KCNQ1: variants seen among roughly 807,000 people sequenced by gnomAD.
KCNQ1 encodes the protein potassium voltage-gated channel subfamily KQT member 1.
In KCNQ1, 49 loss-of-function variants were observed where a neutral mutation model predicts 72.4. The ratio of observed to expected loss-of-function variants is 0.68; its 90% confidence interval spans 0.54 to 0.86. The LOEUF (loss-of-function observed/expected upper bound fraction) is 0.86, where lower values mean the gene tolerates loss of function less well. Among genes scored for constraint, KCNQ1 ranks in the 40% least tolerant of loss-of-function variants. KCNQ1 has a pLI of 0.00. For synonymous variants in KCNQ1, 450 were observed against 412.6 expected (o/e 1.09, Z -1.10); for missense variants, 790 against 945.1 (o/e 0.84, Z 2.15).
chr11:2,571,187 T>C, intron 3 of KCNQ1, 138 bp from the exon 4 acceptor site: 1 of 750,110 alleles, frequency 1.3e-6, no homozygotes, highest in South Asian at 1.4e-5. Flanking sequence ...ATCCGAGGTG[T>C]CTCCATGTCC....
At chr11:2,755,180 AT>A (rs34441414) in intron 11 of KCNQ1, among the ~76,000 whole-genome samples, 21,647 of 151,568 alleles carry the variant, frequency 0.14, 1,647 homozygotes, top group Middle Eastern at 0.17. Context: ...CCTCTCTGAC[AT>A]TTTTTTTCGT....
In KCNQ1 at chr11:2,746,618, G is replaced by A. The variant is rs962696925; in HGVS notation, c.1515-22226G>A. 1.8e-4 allele frequency among the ~76,000 whole-genome samples: 27 copies of A among 152,196 alleles called. No individual in the cohort carries two copies. Among genetic ancestry groups the A allele is most frequent in the African/African-American group, 5.8e-4 (24 of 41,450 alleles). On this transcript the variant is annotated intron_variant, in intron 11 of 15. Transcript: ENST00000155840. This position sits in a 1 kb window ranked among gnomAD's most constrained non-coding sequence, Gnocchi z 5.9. ...TGTCCTCACGATTCGACTGGGCTGT[G>A]GGTGTGAGGAGGGAGAGCACAGAGG...
intron 11 of KCNQ1, among the ~76,000 whole-genome samples, chr11:2,754,452 G>T (rs1846269723): frequency 6.6e-6 from 1 of 152,222 alleles, no homozygotes; most frequent in Non-Finnish European, 1.5e-5. Flanking sequence ...TCAAGGAAGG[G>T]CCCTGCCTTC....
At chr11:2,500,287 C>G (rs1846988622) in intron 1 of KCNQ1, among the ~76,000 whole-genome samples, 1 of 152,180 alleles carries the variant, frequency 6.6e-6, no homozygotes, top group Non-Finnish European at 1.5e-5. Flanking sequence ...CTCATCATCA[C>G]TGGTCATTAG....
chr11:2,707,996 G>A (rs1320589278), intron 11 of KCNQ1, among the ~76,000 whole-genome samples: 4 of 152,226 alleles, frequency 2.6e-5, no homozygotes, highest in African/African-American at 7.2e-5. Flanking sequence ...TGCACAGGTC[G>A]AGGAGGTGGT....
In KCNQ1 at chr11:2,626,287, A is replaced by G. The variant is rs1450071090; in HGVS notation, c.1394-35674A>G. On this transcript the variant is annotated intron_variant, in intron 10 of 15. Transcript: ENST00000155840. The surrounding 1 kb of genome is among the most constrained non-coding windows in gnomAD (Gnocchi z 4.0). ...TATACATGGTTAGGTAAGGATCTCA[A>G]CTTCATTCTCTTGAGTTAATTTTTG... is the stretch of plus-strand genomic sequence containing the variant. 1.3e-5 allele frequency: 5 copies of G among 398,312 alleles called. No individual in the cohort carries two copies. The highest frequency in any genetic ancestry group is 4.4e-5 in the Admixed American group (1 of 22,690). The allele number at this position is 398,312 out of a possible 1,614,324, so 24.7% of individuals were successfully genotyped here.
rs76888915 is a variant in KCNQ1, at chr11:2,657,254, A to G, written c.1394-4707A>G. 0.014 allele frequency: 5,757 copies of G among 398,588 alleles called. 254 individuals carry two copies. The highest frequency in any genetic ancestry group is 0.1 in the African/African-American group (5,021 of 48,712). 24.7% of individuals were successfully genotyped at this position (398,588 alleles called of 1,614,324 possible). On this transcript the variant is annotated intron_variant, in intron 10 of 15. Coordinates refer to ENST00000155840, the MANE Select transcript of KCNQ1 (RefSeq NM_000218.3). The surrounding 1 kb of genome is among the most constrained non-coding windows in gnomAD (Gnocchi z 4.8). ...AATCAGCTTGCCAAAGTTCTCACAC[A>G]GAAGCCTTGAGATTTTTATTAAGAT...
At chr11:2,587,170 CTG>C (rs1324730124) in intron 8 of KCNQ1, among the ~76,000 whole-genome samples, 1 of 152,226 alleles carries the variant, frequency 6.6e-6, no homozygotes, top group Non-Finnish European at 1.5e-5. Flanking sequence ...CCCTTCCTCA[CTG>C]TGTGGCCACT....
chr11:2,533,214 C>T (rs531552240), intron 2 of KCNQ1, among the ~76,000 whole-genome samples: 7 of 152,310 alleles, frequency 4.6e-5, no homozygotes, highest in South Asian at 2.1e-4. Flanking sequence ...GCTGTTATCT[C>T]AGCACTGCTA....
Position 2,671,311 on chromosome 11 carries a change from T to A in KCNQ1, c.1514+9230T>A. 1 of 398,558 alleles carries A rather than the reference T, an allele frequency of 2.5e-6. No homozygotes were observed. Among genetic ancestry groups the A allele is most frequent in the Non-Finnish European group, 4.4e-6 (1 of 226,058 alleles). The allele number at this position is 398,558 out of a possible 1,614,324, so 24.7% of individuals were successfully genotyped here. ...CTTCTCCATAAGTAATCTTTTCCCA[T>A]GTGTGGCTGCAGCCTCAGAGGCTCC... On this transcript the variant is annotated intron_variant, in intron 11 of 15. Coordinates refer to ENST00000155840, the MANE Select transcript of KCNQ1 (RefSeq NM_000218.3). The surrounding 1 kb of genome is among the most constrained non-coding windows in gnomAD (Gnocchi z 4.7).
intron 11 of KCNQ1, among the ~76,000 whole-genome samples, chr11:2,701,077 A>G (rs1295693760): frequency 6.6e-6 from 1 of 152,182 alleles, no homozygotes. Flanking sequence ...CACAGGAGGA[A>G]GGGGGAGGCT....
rs903925527 is a variant in KCNQ1 at position 2,768,366 on chromosome 11, T to A, written c.1515-478T>A. Among the ~76,000 whole-genome samples the A allele has an allele frequency of 2.0e-5, 3 of 152,310 alleles. No individual in the cohort carries two copies. Among genetic ancestry groups the A allele is most frequent in the Admixed American group, 1.3e-4 (2 of 15,298 alleles). ...CTGGTGGCAACTTTCCCTTGTTAATTTGTCCTGTAGCCCCTACTTTCCCAA... is the reference window on the plus strand; with the variant it reads ...CTGGTGGCAACTTTCCCTTGTTAATATGTCCTGTAGCCCCTACTTTCCCAA... On this transcript the variant is annotated intron_variant, in intron 11 of 15. Transcript: ENST00000155840. The surrounding 1 kb of genome is among the most constrained non-coding windows in gnomAD (Gnocchi z 6.7).
rs1846475153 is a variant in KCNQ1, at chr11:2,471,881, CACA to C, written c.386+26398_386+26400del. Among the ~76,000 whole-genome samples, 1 of 149,024 alleles carries C rather than the reference CACA, an allele frequency of 6.7e-6. No individual in the cohort carries two copies. Among genetic ancestry groups the C allele is most frequent in the Admixed American group, 6.7e-5 (1 of 15,010 alleles). ...GTGTGTTTATGTATGGGTGTGTGTG[CACA>C]TGTGTATAGGTGTGTGTATGCGTGC... On this transcript the variant is annotated intron_variant, in intron 1 of 15. Coordinates refer to ENST00000155840, the MANE Select transcript of KCNQ1 (RefSeq NM_000218.3). This position sits in a 1 kb window ranked among gnomAD's most constrained non-coding sequence, Gnocchi z 4.8.
chr11:2,847,686 CCCCAAACCTGGG>C, intron 15 of KCNQ1, 69 bp from the exon 16 acceptor site: 1 of 1,338,112 alleles, frequency 7.5e-7, no homozygotes, highest in Non-Finnish European at 1.0e-6. Context: ...CCTTCTCTGG[CCCCAAACCTGGG>C]CCCTGAGGCT....
intron 1 of KCNQ1, among the ~76,000 whole-genome samples, chr11:2,454,927 G>T (rs1846165732): frequency 6.6e-6 from 1 of 152,034 alleles, no homozygotes; most frequent in Non-Finnish European, 1.5e-5. Flanking sequence ...GAAAAATCAG[G>T]CAAGAGAAAG....
At chr11:2,656,073 G>A (rs752664355) in intron 10 of KCNQ1, 2 of 398,508 alleles carry the variant, frequency 5.0e-6, no homozygotes, top group Non-Finnish European at 8.8e-6. Flanking sequence ...CTTTGGAGAT[G>A]GGCACTTGTC....
In KCNQ1 at chr11:2,641,688, T is replaced by A. The variant is rs1589999492; in HGVS notation, c.1394-20273T>A. 2.0e-5 allele frequency: 8 copies of A among 398,444 alleles called. No individual in the cohort carries two copies. In the East Asian group the frequency reaches 2.9e-4, roughly 14 times the overall value. 24.7% of individuals were successfully genotyped at this position (398,444 alleles called of 1,614,324 possible). A position where few individuals can be genotyped will look rare whatever the true frequency, so the allele number is the denominator to read the frequency against. Reference sequence around the variant, plus strand: ...TGTTTTTGTCTGTGTTTTTGAGGTCTTATCCATAAAATCTTTCCCTAGACC... The same window carrying A: ...TGTTTTTGTCTGTGTTTTTGAGGTCATATCCATAAAATCTTTCCCTAGACC... On this transcript the variant is annotated intron_variant, in intron 10 of 15. Coordinates refer to ENST00000155840, the MANE Select transcript of KCNQ1 (RefSeq NM_000218.3).
chr11:2,556,893 C>T (rs1279447973), intron 2 of KCNQ1, among the ~76,000 whole-genome samples: 1 of 152,078 alleles, frequency 6.6e-6, no homozygotes, highest in Non-Finnish European at 1.5e-5. Flanking sequence ...AACTAAACAA[C>T]CAAAAGCAAA....
At chr11:2,726,634 T>A (rs1845770110) in intron 11 of KCNQ1, among the ~76,000 whole-genome samples, 1 of 152,202 alleles carries the variant, frequency 6.6e-6, no homozygotes, top group Non-Finnish European at 1.5e-5. Context: ...AAAAAGGGGA[T>A]GACCCATTCC....
Sources: allele counts gnomAD v4.1 joint callset (sites outside exome capture counted in the v4.1 genomes callset), GRCh38; gene constraint gnomAD v4.1.1; non-coding constraint Gnocchi (gnomAD v3.1); transcripts MANE v1.5; gene names NCBI Gene and HGNC (gene_info 2026-07-23, HGNC 2026-07-21).